The following R3HDM1 variants were observed in gnomAD, a reference collection of about 807,000 sequenced individuals.
R3HDM1 encodes R3H domain containing 1.
In R3HDM1, 46 loss-of-function variants were observed where a neutral mutation model predicts 141.1. The ratio of observed to expected loss-of-function variants is 0.33; its 90% CI spans 0.26 to 0.42. The LOEUF (loss-of-function observed/expected upper bound fraction) is 0.42, where lower values mean the gene tolerates loss of function less well. Among genes scored for constraint, R3HDM1 ranks in the 10% least tolerant of loss-of-function variants. The probability of loss-of-function intolerance (pLI) is 1.00; values close to 1 mark genes in which losing one functional copy is unlikely to be tolerated. For synonymous variants in R3HDM1, 435 were observed against 472.9 expected, an observed-to-expected ratio of 0.92 and a Z score of 1.04; for missense variants, 1,184 against 1,368.3, an observed-to-expected ratio of 0.87 and a Z score of 2.12.
At chr2:135,696,084 A>G (rs948022989) in intron 21 of R3HDM1, among the ~76,000 whole-genome samples, 7 of 152,194 alleles carry the variant, frequency 4.6e-5, no homozygotes, top group Admixed American at 6.5e-5. Flanking sequence ...GAAGAAACCC[A>G]AATGTCCACC....
chr2:135,623,536 C>T (rs1018133305), intron 7 of R3HDM1, among the ~76,000 whole-genome samples: 1 of 152,104 alleles, frequency 6.6e-6, no homozygotes, highest in African/African-American at 2.4e-5. Context: ...TTTTCTGTTT[C>T]GTATTTAATA....
rs1223755435 is a variant in R3HDM1, at chr2:135,568,719, A to C, written c.-249-33781A>C. On this transcript the variant is annotated intron_variant, in intron 1 of 26. Coordinates refer to ENST00000683871, the MANE Select transcript of R3HDM1 (RefSeq NM_001378107.1). Reference sequence around the variant, plus strand: ...ACAAGTTTAACAATACTTTTTTAAAAGAAACAGTTTTTCATTTAAAAAACA... The same window carrying C: ...ACAAGTTTAACAATACTTTTTTAAACGAAACAGTTTTTCATTTAAAAAACA... The C allele has an allele frequency of 2.0e-5, 3 of 152,336 alleles. 1 individual carries two copies. Among genetic ancestry groups the C allele is most frequent in the Admixed American group, 2.0e-4 (3 of 15,300 alleles). 9.4% of individuals were successfully genotyped at this position (152,336 alleles called of 1,614,324 possible).
At position 135,604,786 on chromosome 2, in the gene R3HDM1, A is replaced by G; in HGVS notation, c.-40-20A>G. 6.4e-7 allele frequency: 1 copy of G among 1,553,124 alleles called. No homozygotes were observed. The highest frequency in any genetic ancestry group is 8.8e-7 in the Non-Finnish European group (1 of 1,131,374). The stretch of plus-strand genomic sequence containing the variant: ...TGAATGTAAAAAAGTTTCAAACTGT[A>G]TTAATTTTTTTTTCTTAAGGCTTCA... On this transcript the variant is annotated intron_variant, in intron 2 of 26. Coordinates refer to ENST00000683871, the MANE Select transcript of R3HDM1 (RefSeq NM_001378107.1).
chr2:135,609,386 T>C (rs143814069), intron 3 of R3HDM1, among the ~76,000 whole-genome samples: 1 of 152,230 alleles, frequency 6.6e-6, no homozygotes, highest in Admixed American at 6.5e-5. Flanking sequence ...TGCATTAACG[T>C]CAGGAAGTTA....
chr2:135,699,035 A>ATAGAT (rs1553629946), intron 21 of R3HDM1, among the ~76,000 whole-genome samples: 2,278 of 106,174 alleles, frequency 0.021, 81 homozygotes, highest in Middle Eastern at 0.064. Flanking sequence ...AGATAGATAG[A>ATAGAT]TAGATAGATA....
At chr2:135,667,839 T>G (rs1226741657) in intron 19 of R3HDM1, 1 of 850,596 alleles carries the variant, frequency 1.2e-6, no homozygotes, top group African/African-American at 1.8e-5. Flanking sequence ...TACCCACTCT[T>G]GCTTTTGTCT....
At chr2:135,658,406 T>C (rs997768770) in intron 18 of R3HDM1, among the ~76,000 whole-genome samples, 2 of 152,200 alleles carry the variant, frequency 1.3e-5, no homozygotes, top group Non-Finnish European at 2.9e-5. Context: ...GACCTCGTGA[T>C]CTGCCCGCCT....
At chr2:135,586,601 ATG>A (rs1171077071) in intron 1 of R3HDM1, 1 of 628,328 alleles carries the variant, frequency 1.6e-6, no homozygotes, top group African/African-American at 2.0e-5. Flanking sequence ...TTGTTAGAGG[ATG>A]TGTGATAAAA....
At chr2:135,532,301 C>T (rs1015368832) in intron 1 of R3HDM1, among the ~76,000 whole-genome samples, 2 of 152,256 alleles carry the variant, frequency 1.3e-5, no homozygotes, top group Non-Finnish European at 2.9e-5. Context: ...CAGATTTACA[C>T]ACGTTTTGAT....
chr2:135,692,834 G>A (rs2072655263), intron 21 of R3HDM1, among the ~76,000 whole-genome samples: 1 of 152,100 alleles, frequency 6.6e-6, no homozygotes, highest in South Asian at 2.1e-4. Context: ...TTAATCTGGG[G>A]TGCACTTTGA....
rs567429334 is a variant in R3HDM1 at position 135,715,355 on chromosome 2, G to A, written c.2737-195G>A. On this transcript the variant is annotated intron_variant, in intron 23 of 26. Transcript: ENST00000683871. ...CCACTGCACTCCAGCCTGGGCAACA[G>A]AGTGAGACTCCGTCTCAAAAAAAAA... is the stretch of plus-strand genomic sequence containing the variant. Among the ~76,000 whole-genome samples, 28 of 152,176 alleles carry A rather than the reference G, an allele frequency of 1.8e-4. 1 individual carries two copies. The East Asian group carries it at 5.2e-3, about 28-fold the overall frequency.
At chr2:135,622,469 G>C in intron 6 of R3HDM1, 185 bp from the exon 7 acceptor site, 1 of 983,854 alleles carries the variant, frequency 1.0e-6, no homozygotes. Flanking sequence ...CTCATGTCAT[G>C]CACATTATAT....
chr2:135,589,837 GTTACA>G (rs1359946103), intron 1 of R3HDM1, among the ~76,000 whole-genome samples: 1 of 151,726 alleles, frequency 6.6e-6, no homozygotes, highest in Non-Finnish European at 1.5e-5. Context: ...ATGCAAATCT[GTTACA>G]TTATATAATA....
At chr2:135,713,379 A>T (rs2075864949) in intron 23 of R3HDM1, among the ~76,000 whole-genome samples, 1 of 152,024 alleles carries the variant, frequency 6.6e-6, no homozygotes, top group Non-Finnish European at 1.5e-5. Context: ...AAGCTCTGGG[A>T]CTCTCTTTGT....
intron 1 of R3HDM1, among the ~76,000 whole-genome samples, chr2:135,590,075 G>C (rs1446845558): frequency 2.0e-5 from 3 of 152,048 alleles, no homozygotes. Context: ...ATTTTCAAGA[G>C]GGATCCTTTC....
intron 17 of R3HDM1, 167 bp downstream of exon 17, chr2:135,650,170 A>G (rs989432959): frequency 1.0e-6 from 1 of 972,854 alleles, no homozygotes; most frequent in African/African-American, 1.8e-5. Context: ...AATTTATTCC[A>G]TAAAATATTG....
chr2:135,662,093 T>C (rs1376062725), intron 19 of R3HDM1, among the ~76,000 whole-genome samples: 1 of 152,268 alleles, frequency 6.6e-6, no homozygotes, highest in African/African-American at 2.4e-5. Flanking sequence ...GCTTCTCACC[T>C]AGATGTGTAC....
intron 20 of R3HDM1, among the ~76,000 whole-genome samples, chr2:135,678,117 A>G (rs1388155805): frequency 1.3e-5 from 2 of 152,062 alleles, no homozygotes; most frequent in Non-Finnish European, 2.9e-5. Flanking sequence ...GGCGCATGCC[A>G]CCACGCCTGG....
In R3HDM1 at chr2:135,716,983, C is replaced by CAA. The variant is rs1424073330; in HGVS notation, c.2881+1290_2881+1291insAA. Among the ~76,000 whole-genome samples, 50 of 151,114 alleles carry CAA rather than the reference C, an allele frequency of 3.3e-4. No homozygotes were observed. In the East Asian group the frequency reaches 9.2e-3, roughly 28 times the overall value. ...AAAAACAAACAAAAAAACAAACAAA[C>CAA]ACGGGGAGCAGTATTCACAATATGG... On this transcript the variant is annotated intron_variant, in intron 24 of 26. Transcript: ENST00000683871.
Sources: gnomAD v4.1 joint callset for allele counts (sites outside exome capture counted in the v4.1 genomes callset) on GRCh38, gnomAD v4.1.1 for gene constraint, MANE v1.5 for transcripts, NCBI Gene and HGNC (gene_info 2026-07-23, HGNC 2026-07-21) for gene names.